Variants in UBE2E2 observed in about 807,000 individuals in gnomAD.
UBE2E2 encodes the protein ubiquitin-conjugating enzyme E2 E2.
Under a neutral mutation model 24.7 loss-of-function variants are expected in UBE2E2, and 6 were observed. That is an observed-to-expected ratio of 0.24 (90% CI 0.13 to 0.48). UBE2E2 has a LOEUF of 0.48. Ranked by LOEUF, UBE2E2 falls within the 20% of genes least tolerant of loss-of-function variation. The pLI, the probability that UBE2E2 is intolerant of heterozygous loss-of-function variation, is 0.99. For synonymous variants in UBE2E2, 104 were observed against 83.6 expected (o/e 1.24, Z -1.33); for missense variants, 169 against 245.0 (o/e 0.69, Z 2.07).
chr3:23,233,147 T>TA (rs912371675), intron 3 of UBE2E2, among the ~76,000 whole-genome samples: 41 of 152,250 alleles, frequency 2.7e-4, no homozygotes, highest in Middle Eastern at 3.4e-3. Flanking sequence ...CCTGAGCCTG[T>TA]AGGGGAAAAG....
chr3:23,457,157 A>C (rs750811157), intron 3 of UBE2E2, among the ~76,000 whole-genome samples: 5 of 152,186 alleles, frequency 3.3e-5, no homozygotes, highest in Non-Finnish European at 5.9e-5. Context: ...GCAGTCCCTG[A>C]TGATGCTTCT....
intron 3 of UBE2E2, among the ~76,000 whole-genome samples, chr3:23,419,512 A>G (rs533948029): frequency 3.3e-5 from 5 of 152,326 alleles, no homozygotes; most frequent in Admixed American, 2.6e-4. Context: ...CAAATAACAC[A>G]GAGAAGTGAC....
At chr3:23,494,321 G>A (rs937209553) in intron 3 of UBE2E2, among the ~76,000 whole-genome samples, 3 of 152,068 alleles carry the variant, frequency 2.0e-5, no homozygotes, top group Non-Finnish European at 2.9e-5. Flanking sequence ...ACATCTTTAC[G>A]CCAATACATT....
intron 3 of UBE2E2, among the ~76,000 whole-genome samples, chr3:23,393,896 A>G (rs540861262): frequency 3.9e-5 from 6 of 152,344 alleles, no homozygotes; most frequent in Admixed American, 6.5e-5. Context: ...TATTGCCTAC[A>G]TCTGCTTTTG....
At chr3:23,453,021 A>G (rs778524) in intron 3 of UBE2E2, among the ~76,000 whole-genome samples, 41,083 of 152,124 alleles carry the variant, frequency 0.27, 5,750 homozygotes, top group East Asian at 0.36. Context: ...CCCATTTTTA[A>G]TAGTATCCTT....
chr3:23,495,914 A>T (rs772863552), intron 3 of UBE2E2, among the ~76,000 whole-genome samples: 5 of 151,036 alleles, frequency 3.3e-5, no homozygotes, highest in Non-Finnish European at 7.4e-5. Context: ...TATTTACTTC[A>T]TCCTTTTTTA....
At chr3:23,507,045 A>G (rs73043662) in intron 4 of UBE2E2, among the ~76,000 whole-genome samples, 13,019 of 152,246 alleles carry the variant, frequency 0.086, 763 homozygotes, top group Middle Eastern at 0.14. Context: ...CACCCCGTCC[A>G]CAGAACAGTT....
At chr3:23,288,533 T>C (rs955896843) in intron 3 of UBE2E2, among the ~76,000 whole-genome samples, 6 of 152,228 alleles carry the variant, frequency 3.9e-5, no homozygotes, top group South Asian at 2.1e-4. Flanking sequence ...CCAGCTATTA[T>C]TGTATTGGGA....
At chr3:23,441,191 A>G (rs1034438813) in intron 3 of UBE2E2, among the ~76,000 whole-genome samples, 2 of 151,960 alleles carry the variant, frequency 1.3e-5, no homozygotes, top group African/African-American at 4.8e-5. Flanking sequence ...TTGGCAGGCA[A>G]CAATTGTACC....
chr3:23,500,438 C>G (rs539054340), intron 4 of UBE2E2, among the ~76,000 whole-genome samples: 1 of 152,274 alleles, frequency 6.6e-6, no homozygotes, highest in East Asian at 1.9e-4. Context: ...TCTTCACATT[C>G]TTTTCTACTG....
At chr3:23,363,568 G>A (rs1468872476) in intron 3 of UBE2E2, among the ~76,000 whole-genome samples, 1 of 152,104 alleles carries the variant, frequency 6.6e-6, no homozygotes, top group Non-Finnish European at 1.5e-5. Flanking sequence ...TTACGTAATG[G>A]CAACAGGCCA....
intron 5 of UBE2E2, 141 bp downstream of exon 5, chr3:23,532,842 T>A: frequency 1.2e-6 from 1 of 824,194 alleles, no homozygotes; most frequent in Non-Finnish European, 1.7e-6. Flanking sequence ...AGTATGTAAC[T>A]ATTTTCTTTT....
chr3:23,422,894 A>G (rs1342835694), intron 3 of UBE2E2, among the ~76,000 whole-genome samples: 1 of 152,074 alleles, frequency 6.6e-6, no homozygotes, highest in African/African-American at 2.4e-5. Flanking sequence ...GAAATTCTTG[A>G]ATCACCAAGA....
chr3:23,359,291 A>G (rs112423063), intron 3 of UBE2E2, among the ~76,000 whole-genome samples: 1 of 152,174 alleles, frequency 6.6e-6, no homozygotes. Flanking sequence ...CCTTTGAGAA[A>G]TATGGTTCTG....
intron 3 of UBE2E2, among the ~76,000 whole-genome samples, chr3:23,300,011 T>C (rs1189539276): frequency 3.3e-5 from 5 of 152,238 alleles, no homozygotes; most frequent in Admixed American, 2.0e-4. Context: ...GCTCTTCTTG[T>C]TGAATTGATC....
chr3:23,535,164 G>A (rs1695222141), intron 5 of UBE2E2, among the ~76,000 whole-genome samples: 2 of 152,134 alleles, frequency 1.3e-5, no homozygotes, highest in African/African-American at 2.4e-5. Context: ...ACTTTCCACA[G>A]GCTTAGTTTT....
intron 3 of UBE2E2, among the ~76,000 whole-genome samples, chr3:23,236,772 T>C (rs1261062550): frequency 1.3e-5 from 2 of 152,118 alleles, no homozygotes; most frequent in African/African-American, 4.8e-5. Context: ...CTTAAACATT[T>C]CCTGTGGATG....
chr3:23,208,928 G>C, intron 2 of UBE2E2, 53 bp downstream of exon 2: 1 of 1,474,444 alleles, frequency 6.8e-7, no homozygotes, highest in South Asian at 1.4e-5. Flanking sequence ...ATCATCTTAA[G>C]TTCTATTTTT....
At chr3:23,536,628 T>C (rs1311337058) in intron 5 of UBE2E2, among the ~76,000 whole-genome samples, 11 of 152,220 alleles carry the variant, frequency 7.2e-5, no homozygotes, top group Admixed American at 7.2e-4. Flanking sequence ...GACAATGGAA[T>C]TGTACCTGTC....
Sources: gnomAD v4.1 joint callset for allele counts (sites outside exome capture counted in the v4.1 genomes callset) on GRCh38, gnomAD v4.1.1 for gene constraint, MANE v1.5 for transcripts, NCBI Gene and HGNC (gene_info 2026-07-23, HGNC 2026-07-21) for gene names.